ZNF277: variants seen among roughly 807,000 people sequenced by gnomAD.
ZNF277 encodes the protein zinc finger protein 277, also known as nuclear receptor-interacting factor 4.
ZNF277 carries 55 observed loss-of-function variants against 60.7 expected under a neutral mutation model. The observed-to-expected ratio is 0.91, with a 90% CI of 0.73 to 1.13. The LOEUF (loss-of-function observed/expected upper bound fraction) is 1.13, where lower values mean the gene tolerates loss of function less well. ZNF277 is among the 50% of genes most tolerant of loss of function. ZNF277 has a pLI of 0.00. For missense variants in ZNF277, 510 were observed against 523.0 expected, an observed-to-expected ratio of 0.98 and a Z score of 0.24; for synonymous variants, 178 against 179.3, an observed-to-expected ratio of 0.99 and a Z score of 0.06.
intron 1 of ZNF277, among the ~76,000 whole-genome samples, chr7:112,236,685 C>T (rs1401178993): frequency 2.0e-5 from 3 of 152,104 alleles, no homozygotes; most frequent in African/African-American, 7.2e-5. Context: ...TACGAGTCCT[C>T]ATTCACTATT....
chr7:112,305,976 A>G (rs1792579969), intron 4 of ZNF277, among the ~76,000 whole-genome samples: 1 of 152,100 alleles, frequency 6.6e-6, no homozygotes, highest in Non-Finnish European at 1.5e-5. Context: ...AAGTCACTTC[A>G]AAAGAAAGCT....
intron 2 of ZNF277, among the ~76,000 whole-genome samples, chr7:112,293,587 A>G (rs1792259373): frequency 6.6e-6 from 1 of 152,032 alleles, no homozygotes; most frequent in South Asian, 2.1e-4. Context: ...CTCAAAAAAA[A>G]AAAAAAAAAG....
intron 2 of ZNF277, chr7:112,287,620 A>G (rs139260909): frequency 0.061 from 9,103 of 150,172 alleles, 724 homozygotes; most frequent in African/African-American, 0.19. Flanking sequence ...TCTGCCTCCC[A>G]TGTTCAAGCG....
chr7:112,208,673 G>GTTTTTTT (rs1407981050), intron 1 of ZNF277, among the ~76,000 whole-genome samples: 3 of 56,820 alleles, frequency 5.3e-5, no homozygotes, highest in African/African-American at 1.2e-4. Flanking sequence ...TGTATGATTT[G>GTTTTTTT]ATTTTTTTTT....
In ZNF277 at chr7:112,343,466, T is replaced by G. The variant is rs1793482715; in HGVS notation, c.*737T>G. On this transcript the variant is annotated 3_prime_UTR_variant, in exon 12 of 12. Coordinates refer to ENST00000361822, the MANE Select transcript of ZNF277 (RefSeq NM_021994.3). ...TTAACATTAACTTAATATCATCTGT[T>G]TTCAGTTTTTCCCACTTGTCTCAAA... Among the ~76,000 whole-genome samples, 1 of 152,172 alleles carries G rather than the reference T, an allele frequency of 6.6e-6. No homozygotes were observed. The highest frequency in any genetic ancestry group is 1.5e-5 in the Non-Finnish European group (1 of 68,032).
intron 2 of ZNF277, chr7:112,288,548 A>T (rs1210034820): frequency 1.3e-5 from 2 of 152,178 alleles, no homozygotes; most frequent in African/African-American, 4.8e-5. Flanking sequence ...TACTCTAAGC[A>T]TTGATTTTCT....
chr7:112,310,621 G>T (rs1336782693), intron 4 of ZNF277, among the ~76,000 whole-genome samples: 1 of 152,060 alleles, frequency 6.6e-6, no homozygotes, highest in Non-Finnish European at 1.5e-5. Flanking sequence ...GGAGGTATAA[G>T]TGAAATAATC....
intron 4 of ZNF277, among the ~76,000 whole-genome samples, chr7:112,303,257 G>C (rs1245217310): frequency 1.3e-5 from 2 of 151,964 alleles, no homozygotes; most frequent in African/African-American, 2.4e-5. Flanking sequence ...AGCCAAATGT[G>C]ACATTTTCTA....
intron 1 of ZNF277, among the ~76,000 whole-genome samples, chr7:112,225,512 A>C (rs1317339645): frequency 6.6e-6 from 1 of 152,208 alleles, no homozygotes; most frequent in Non-Finnish European, 1.5e-5. Flanking sequence ...GAACACATTA[A>C]ATTATAATGT....
intron 1 of ZNF277, among the ~76,000 whole-genome samples, chr7:112,233,162 A>G (rs541943006): frequency 2.0e-5 from 3 of 152,264 alleles, no homozygotes; most frequent in African/African-American, 4.8e-5. Flanking sequence ...TCACAATCCT[A>G]TCGGGATTGT....
At position 112,302,896 on chromosome 7, in the gene ZNF277, A is replaced by C. The variant is rs112813236; in HGVS notation, c.465+6585A>C. 5.9e-3 allele frequency among the ~76,000 whole-genome samples: 896 copies of C among 151,938 alleles called. 14 individuals are homozygous for C. The highest frequency in any genetic ancestry group is 0.02 in the African/African-American group (820 of 41,426). The stretch of plus-strand genomic sequence containing the variant: ...CAACCCCAATCACCATTCTCTTTCT[A>C]ATTGCACCAGGATACTTTATCACAT... On this transcript the variant is annotated intron_variant, in intron 4 of 11. Coordinates refer to ENST00000361822, the MANE Select transcript of ZNF277 (RefSeq NM_021994.3).
chr7:112,300,691 C>T (rs1245015582), intron 4 of ZNF277, among the ~76,000 whole-genome samples: 3 of 152,116 alleles, frequency 2.0e-5, no homozygotes, highest in African/African-American at 7.2e-5. Flanking sequence ...GAAACTTTTC[C>T]ATTTGGATTT....
At chr7:112,271,508 C>T (rs1231511853) in intron 1 of ZNF277, among the ~76,000 whole-genome samples, 2 of 152,180 alleles carry the variant, frequency 1.3e-5, no homozygotes, top group Non-Finnish European at 2.9e-5. Flanking sequence ...GTGTCCTGAA[C>T]ATGACTGAAT....
intron 11 of ZNF277, 182 bp downstream of exon 11, chr7:112,341,228 C>A (rs984867410): frequency 2.6e-5 from 12 of 466,840 alleles, no homozygotes; most frequent in African/African-American, 2.4e-4. Flanking sequence ...AATAATCCCC[C>A]TCTTACAAAT....
At chr7:112,297,213 CA>C (rs1792376997) in intron 4 of ZNF277, among the ~76,000 whole-genome samples, 1 of 151,910 alleles carries the variant, frequency 6.6e-6, no homozygotes, top group South Asian at 2.1e-4. Flanking sequence ...AGGCGGGAGC[CA>C]CTGCACCCGG....
intron 1 of ZNF277, among the ~76,000 whole-genome samples, chr7:112,280,209 G>T (rs1791909234): frequency 6.6e-6 from 1 of 151,982 alleles, no homozygotes; most frequent in Admixed American, 6.6e-5. Flanking sequence ...ACGTTTCCAT[G>T]GCCATTACAC....
chr7:112,306,822 T>G (rs1395627116), intron 4 of ZNF277, among the ~76,000 whole-genome samples: 1 of 152,076 alleles, frequency 6.6e-6, no homozygotes, highest in Non-Finnish European at 1.5e-5. Context: ...GCCTATAACT[T>G]TATTTTGAAT....
At chr7:112,287,512 T>G (rs1170740521) in intron 2 of ZNF277, 4 of 152,196 alleles carry the variant, frequency 2.6e-5, no homozygotes, top group Non-Finnish European at 2.9e-5. Flanking sequence ...TTTACAACTC[T>G]TTTGTACTTC....
At chr7:112,320,842 TCTC>T (rs200549961) in intron 5 of ZNF277, among the ~76,000 whole-genome samples, 2,718 of 151,890 alleles carry the variant, frequency 0.018, 50 homozygotes, top group Non-Finnish European at 0.027. Flanking sequence ...TTCTCATTAT[TCTC>T]CTCTATTGTT....
Sources: allele counts gnomAD v4.1 joint callset (sites outside exome capture counted in the v4.1 genomes callset), GRCh38; gene constraint gnomAD v4.1.1; transcripts MANE v1.5; gene names NCBI Gene and HGNC (gene_info 2026-07-23, HGNC 2026-07-21).